Variants in DISC1 observed in about 807,000 individuals in gnomAD.
DISC1 encodes the protein DISC1 scaffold protein.
In DISC1, 57 loss-of-function variants were observed where a neutral mutation model predicts 84.5. The ratio of observed to expected loss-of-function variants is 0.67; its 90% confidence interval spans 0.55 to 0.84. The LOEUF (loss-of-function observed/expected upper bound fraction) is 0.84, where lower values mean the gene tolerates loss of function less well. DISC1 is among the 40% of genes least tolerant of loss of function. DISC1 has a pLI of 0.00. For synonymous variants in DISC1, 411 were observed against 415.2 expected, an observed-to-expected ratio of 0.99 and a Z score of 0.12; for missense variants, 1,000 against 1,057.8, an observed-to-expected ratio of 0.95 and a Z score of 0.76.
At chr1:231,949,878 G>A (rs1658002963) in intron 9 of DISC1, among the ~76,000 whole-genome samples, 1 of 152,208 alleles carries the variant, frequency 6.6e-6, no homozygotes, top group Non-Finnish European at 1.5e-5. Context: ...ACAATATTGT[G>A]TATTTGTAAA....
chr1:231,711,357 C>CTTTT (rs57262026), intron 3 of DISC1, among the ~76,000 whole-genome samples: 47 of 111,246 alleles, frequency 4.2e-4, no homozygotes, highest in Non-Finnish European at 5.1e-4. Flanking sequence ...GGACATATTT[C>CTTTT]TTTTTTTTTT....
At chr1:231,860,509 A>G (rs1055623953) in intron 9 of DISC1, among the ~76,000 whole-genome samples, 3 of 152,194 alleles carry the variant, frequency 2.0e-5, no homozygotes, top group Admixed American at 6.5e-5. Flanking sequence ...AGAAACCTAC[A>G]TATCAAAAAA....
At chr1:231,950,337 A>C (rs200691933) in intron 9 of DISC1, among the ~76,000 whole-genome samples, 22 of 152,102 alleles carry the variant, frequency 1.4e-4, no homozygotes, top group Non-Finnish European at 2.5e-4. Context: ...AAGACAGTAA[A>C]TAGGCATTCT....
intron 3 of DISC1, among the ~76,000 whole-genome samples, chr1:231,708,932 T>C (rs964186911): frequency 6.6e-6 from 1 of 152,228 alleles, no homozygotes; most frequent in Non-Finnish European, 1.5e-5. Flanking sequence ...ATTAGGAAAT[T>C]AGCTCTTGTG....
chr1:231,702,773 G>A (rs2066575900), intron 3 of DISC1: 1 of 181,324 alleles, frequency 5.5e-6, no homozygotes, highest in Non-Finnish European at 1.1e-5. Context: ...TTCAGGTATG[G>A]TTGTCCTGGG....
intron 12 of DISC1, among the ~76,000 whole-genome samples, chr1:232,035,661 T>G (rs1670449826): frequency 6.6e-6 from 1 of 152,180 alleles, no homozygotes; most frequent in Admixed American, 6.5e-5. Context: ...TTCAGCATAT[T>G]TAGGTGGTGT....
intron 9 of DISC1, among the ~76,000 whole-genome samples, chr1:231,876,008 G>T (rs189688600): frequency 6.6e-6 from 1 of 152,146 alleles, no homozygotes; most frequent in African/African-American, 2.4e-5. Flanking sequence ...ACTGATAAAT[G>T]TGGGCTGAAA....
At position 231,917,003 on chromosome 1, in the gene DISC1, C is replaced by G. The variant is rs543947685; in HGVS notation, c.1982-41825C>G. ...GTGGATTCCATTGTCTCCAAAATGC[C>G]CTTTCTTAGTAACTAGTTGGGCCAT... On this transcript the variant is annotated intron_variant, in intron 9 of 12. Transcript: ENST00000439617. Among the ~76,000 whole-genome samples, 26 of 150,252 alleles carry G rather than the reference C, an allele frequency of 1.7e-4. No homozygotes were observed. The South Asian group carries it at 5.5e-3, about 32-fold the overall frequency.
At chr1:231,872,276 T>C (rs1001739960) in intron 9 of DISC1, among the ~76,000 whole-genome samples, 2 of 152,194 alleles carry the variant, frequency 1.3e-5, no homozygotes, top group South Asian at 2.1e-4. Flanking sequence ...TAATCTCCCA[T>C]CTTAGTAATG....
At chr1:231,809,209 A>T (rs754523463) in intron 8 of DISC1, among the ~76,000 whole-genome samples, 4 of 152,204 alleles carry the variant, frequency 2.6e-5, no homozygotes, top group Non-Finnish European at 5.9e-5. Flanking sequence ...ATGCCTGGGC[A>T]GCTGTGTCAT....
At chr1:231,720,360 G>A (rs535416745) in intron 3 of DISC1, among the ~76,000 whole-genome samples, 1 of 151,742 alleles carries the variant, frequency 6.6e-6, no homozygotes, top group Admixed American at 6.6e-5. Context: ...TTTTCTTTAA[G>A]ACAGGGTCTC....
chr1:231,769,771 C>T (rs1385998645), intron 5 of DISC1, among the ~76,000 whole-genome samples: 2 of 152,074 alleles, frequency 1.3e-5, no homozygotes, highest in East Asian at 1.9e-4. Context: ...GAATTTTATG[C>T]TATGTGTGTT....
intron 9 of DISC1, among the ~76,000 whole-genome samples, chr1:231,849,345 C>T (rs996484001): frequency 6.6e-6 from 1 of 152,230 alleles, no homozygotes; most frequent in Non-Finnish European, 1.5e-5. Flanking sequence ...GTCTTGAACT[C>T]CCTACCTCAG....
chr1:231,682,883 G>T (rs1422283599), intron 1 of DISC1, among the ~76,000 whole-genome samples: 7 of 152,206 alleles, frequency 4.6e-5, no homozygotes, highest in Non-Finnish European at 7.3e-5. Flanking sequence ...ATCCCACACT[G>T]TATGTCACAT....
At chr1:231,956,368 TA>T (rs1311188992) in intron 9 of DISC1, among the ~76,000 whole-genome samples, 1 of 152,186 alleles carries the variant, frequency 6.6e-6, no homozygotes, top group African/African-American at 2.4e-5. Flanking sequence ...TCTTTTGTTA[TA>T]GGGGTGTCAG....
intron 12 of DISC1, among the ~76,000 whole-genome samples, chr1:232,036,023 G>A (rs1006070360): frequency 7.2e-5 from 11 of 152,136 alleles, no homozygotes; most frequent in Non-Finnish European, 1.2e-4. Flanking sequence ...CCCAGAAAAA[G>A]CAAGCTCTCT....
At chr1:231,714,226 T>G (rs2068354625) in intron 3 of DISC1, among the ~76,000 whole-genome samples, 1 of 152,100 alleles carries the variant, frequency 6.6e-6, no homozygotes, top group South Asian at 2.1e-4. Context: ...TAAAATAGAT[T>G]TTACCTTGAA....
Position 231,694,051 on chromosome 1 carries a change from C to G in DISC1, c.293C>G (p.Pro98Arg). ...LDSRGLLVRS[P>R]VSKSAAAPTV... ...TCGAGAGGCCTCTTGGTCCGGAGCC[C>G]TGTTTCCAAGAGTGCAGCAGCCCCT... is the stretch of plus-strand genomic sequence containing the variant. Residue 98 changes from proline (P) to arginine (R), a missense_variant, in exon 2 of 13, where the codon CCT becomes CGT. Coordinates refer to ENST00000439617, the MANE Select transcript of DISC1 (RefSeq NM_018662.3). 6.2e-7 allele frequency: 1 copy of G among 1,614,210 alleles called. No homozygotes were observed. The highest frequency in any genetic ancestry group is 1.7e-5 in the Admixed American group (1 of 60,026).
chr1:231,672,163 G>T (rs573899975), intron 1 of DISC1, among the ~76,000 whole-genome samples: 1 of 151,904 alleles, frequency 6.6e-6, no homozygotes, highest in Admixed American at 6.6e-5. Context: ...TTCTCTTCTT[G>T]AAACGAGAAT....
Sources: gnomAD v4.1 joint callset for allele counts (sites outside exome capture counted in the v4.1 genomes callset) on GRCh38, gnomAD v4.1.1 for gene constraint, MANE v1.5 for transcripts, NCBI Gene and HGNC (gene_info 2026-07-23, HGNC 2026-07-21) for gene names.